The following EPHA6 variants were observed in gnomAD, a reference collection of about 807,000 sequenced individuals.
The protein encoded by EPHA6 is ephrin type-A receptor 6.
EPHA6 carries 50 observed loss-of-function variants against 112.0 expected under a neutral mutation model. The observed-to-expected ratio is 0.45, with a 90% CI of 0.36 to 0.56. The LOEUF (loss-of-function observed/expected upper bound fraction) is 0.56. Among genes scored for constraint, EPHA6 ranks in the 20% least tolerant of loss-of-function variants. The pLI is 0.00. For synonymous variants in EPHA6, 529 were observed against 490.7 expected (o/e 1.08, Z -1.03); for missense variants, 1,280 against 1,417.4 (o/e 0.90, Z 1.56).
chr3:97,503,778 C>A (rs1310817740), intron 10 of EPHA6, among the ~76,000 whole-genome samples: 2 of 151,996 alleles, frequency 1.3e-5, no homozygotes, highest in Admixed American at 1.3e-4. Flanking sequence ...TAAAACATGT[C>A]CTTTTAGGAA....
intron 2 of EPHA6, among the ~76,000 whole-genome samples, chr3:96,961,960 A>G (rs2041960586): frequency 6.6e-6 from 1 of 152,160 alleles, no homozygotes; most frequent in Admixed American, 6.6e-5. Context: ...GTGCTTTATT[A>G]AGCTACTTAA....
At position 96,822,721 on chromosome 3, in the gene EPHA6, T is replaced by A. The variant is rs1009363631; in HGVS notation, c.385+7713T>A. On this transcript the variant is annotated intron_variant, in intron 1 of 17. Transcript: ENST00000389672. The stretch of plus-strand genomic sequence containing the variant: ...AGTATATTTTAAATAATTTTATATA[T>A]AATTTATTATGTTAATTCACTAATA... 4.7e-5 allele frequency among the ~76,000 whole-genome samples: 7 copies of A among 150,284 alleles called. No individual in the cohort carries two copies. The Admixed American group carries it at 4.7e-4, about 10-fold the overall frequency.
intron 3 of EPHA6, among the ~76,000 whole-genome samples, chr3:97,104,761 C>A (rs562506828): frequency 2.0e-5 from 3 of 152,196 alleles, no homozygotes; most frequent in Admixed American, 6.6e-5. Flanking sequence ...AGCTGTGAAT[C>A]TGTTTGGTCT....
chr3:96,952,653 G>A (rs1033260489), intron 2 of EPHA6, among the ~76,000 whole-genome samples: 1 of 152,132 alleles, frequency 6.6e-6, no homozygotes, highest in African/African-American at 2.4e-5. Flanking sequence ...TGGACTTTCT[G>A]TTACCCAGTG....
intron 11 of EPHA6, among the ~76,000 whole-genome samples, chr3:97,534,782 T>G (rs922503583): frequency 7.9e-5 from 12 of 152,052 alleles, no homozygotes; most frequent in African/African-American, 2.7e-4. Flanking sequence ...ACATTTCAAG[T>G]TATTCCTTCT....
intron 10 of EPHA6, among the ~76,000 whole-genome samples, chr3:97,529,275 C>T (rs1312278743): frequency 1.3e-5 from 2 of 152,044 alleles, no homozygotes; most frequent in Non-Finnish European, 2.9e-5. Flanking sequence ...ACTTAGCTTA[C>T]ATGCCTCAAT....
At position 97,491,769 on chromosome 3, in the gene EPHA6, G is replaced by T. The variant is rs547887758; in HGVS notation, c.2200+7710G>T. ...CATACCCCTAAGGACACATAATGTC[G>T]GCCCTGTGAGTTGTTTGAGTAGGCC... On this transcript the variant is annotated intron_variant, in intron 10 of 17. Transcript: ENST00000389672. 7.2e-5 allele frequency among the ~76,000 whole-genome samples: 11 copies of T among 151,822 alleles called. No homozygotes were observed. The East Asian group carries it at 2.1e-3, about 30-fold the overall frequency.
At chr3:97,530,769 T>C (rs2092686643) in intron 10 of EPHA6, among the ~76,000 whole-genome samples, 1 of 152,046 alleles carries the variant, frequency 6.6e-6, no homozygotes, top group Non-Finnish European at 1.5e-5. Flanking sequence ...CTATTTCTAA[T>C]GGACATGTGT....
rs145517390 is a variant in EPHA6, at chr3:97,516,200, A to G, written c.2201-16158A>G. ...TATTTAACCAACTAACAATGATACT[A>G]AAGCAAGAAAAAGTAAAGCGACTTC... On this transcript the variant is annotated intron_variant, in intron 10 of 17. Transcript: ENST00000389672. Among the ~76,000 whole-genome samples the G allele has an allele frequency of 6.5e-3, 991 of 152,342 alleles. 10 individuals are homozygous for G. The highest frequency in any genetic ancestry group is 0.022 in the African/African-American group (912 of 41,580).
intron 2 of EPHA6, among the ~76,000 whole-genome samples, chr3:96,979,278 C>T (rs1422865557): frequency 2.7e-5 from 4 of 149,942 alleles, no homozygotes; most frequent in Non-Finnish European, 4.4e-5. Context: ...TCAATTCCCA[C>T]CTATGAGTGA....
intron 7 of EPHA6, among the ~76,000 whole-genome samples, chr3:97,465,229 A>G (rs1435851251): frequency 5.3e-5 from 8 of 152,054 alleles, no homozygotes; most frequent in Non-Finnish European, 1.2e-4. Flanking sequence ...TTCATTTTTT[A>G]CTTAACTCAA....
intron 12 of EPHA6, among the ~76,000 whole-genome samples, chr3:97,608,609 G>A (rs937013077): frequency 2.6e-5 from 4 of 151,292 alleles, no homozygotes; most frequent in Non-Finnish European, 5.9e-5. Flanking sequence ...TAGGGAAGAG[G>A]TGTGTTGTAT....
At chr3:96,943,105 C>T (rs1414598477) in intron 2 of EPHA6, among the ~76,000 whole-genome samples, 1 of 152,160 alleles carries the variant, frequency 6.6e-6, no homozygotes, top group East Asian at 1.9e-4. Context: ...ATTTGTCTTT[C>T]TGTTCCTCAC....
At chr3:97,031,303 G>A in intron 3 of EPHA6, among the ~76,000 whole-genome samples, 1 of 152,096 alleles carries the variant, frequency 6.6e-6, no homozygotes, top group Non-Finnish European at 1.5e-5. Context: ...ATTCAAGATG[G>A]ATTAAAGACT....
chr3:97,391,256 C>T (rs2086379882), intron 5 of EPHA6, among the ~76,000 whole-genome samples: 1 of 151,818 alleles, frequency 6.6e-6, no homozygotes, highest in South Asian at 2.1e-4. Flanking sequence ...GAGGGCATGA[C>T]AATTGTCTGG....
chr3:97,171,619 A>C (rs1164099000), intron 3 of EPHA6, among the ~76,000 whole-genome samples: 1 of 152,136 alleles, frequency 6.6e-6, no homozygotes, highest in Non-Finnish European at 1.5e-5. Flanking sequence ...CCTGTAAGTT[A>C]TTGGGAGAAT....
chr3:97,606,159 G>C (rs1372028391), intron 12 of EPHA6: 2 of 151,356 alleles, frequency 1.3e-5, no homozygotes, highest in African/African-American at 2.4e-5. Context: ...ATTATTTCTA[G>C]TGCCCTTCCT....
At chr3:97,023,879 T>C (rs913931055) in intron 3 of EPHA6, among the ~76,000 whole-genome samples, 9 of 152,214 alleles carry the variant, frequency 5.9e-5, no homozygotes, top group Admixed American at 3.3e-4. Flanking sequence ...TACTCTGAAA[T>C]TGATTTTTAT....
At position 97,498,415 on chromosome 3, in the gene EPHA6, G is replaced by A. The variant is rs150532980; in HGVS notation, c.2200+14356G>A. 6.5e-3 allele frequency among the ~76,000 whole-genome samples: 990 copies of A among 152,100 alleles called. 12 individuals are homozygous for A. The highest frequency in any genetic ancestry group is 0.022 in the African/African-American group (910 of 41,488). On this transcript the variant is annotated intron_variant, in intron 10 of 17. Transcript: ENST00000389672. ...CAGAGTTGTACGTCAAGTCCAGGAGGCTTTTTTCAGCTCGTTGTTGGGTCA... is the reference window on the plus strand; with the variant it reads ...CAGAGTTGTACGTCAAGTCCAGGAGACTTTTTTCAGCTCGTTGTTGGGTCA...
Sources: gnomAD v4.1 joint callset for allele counts (sites outside exome capture counted in the v4.1 genomes callset) on GRCh38, gnomAD v4.1.1 for gene constraint, MANE v1.5 for transcripts, NCBI Gene and HGNC (gene_info 2026-07-23, HGNC 2026-07-21) for gene names.